PTPRD: variants seen among roughly 807,000 people sequenced by gnomAD.
The protein encoded by PTPRD is receptor-type tyrosine-protein phosphatase delta.
Under a neutral mutation model 214.5 loss-of-function variants are expected in PTPRD, and 34 were observed. The observed-to-expected ratio is 0.16, with a 90% CI of 0.12 to 0.21. The LOEUF is 0.21. PTPRD is among the 10% of genes least tolerant of loss of function. The pLI is 1.00. For missense variants in PTPRD, 2,545 were observed against 2,398.7 expected, an observed-to-expected ratio of 1.06 and a Z score of -1.27; for synonymous variants, 1,128 against 845.7, an observed-to-expected ratio of 1.33 and a Z score of -5.79.
chr9:10,400,422 T>C (rs1465777043), intron 2 of PTPRD, among the ~76,000 whole-genome samples: 2 of 151,778 alleles, frequency 1.3e-5, no homozygotes, highest in African/African-American at 4.8e-5. Flanking sequence ...TTATTTTTCT[T>C]TATAATAATG....
intron 2 of PTPRD, among the ~76,000 whole-genome samples, chr9:10,380,973 T>C (rs1370020648): frequency 1.3e-5 from 2 of 151,936 alleles, no homozygotes; most frequent in Admixed American, 6.6e-5. Flanking sequence ...CCAAAGAGAA[T>C]TGACATATGG....
At chr9:10,362,795 G>A (rs1429372910) in intron 2 of PTPRD, among the ~76,000 whole-genome samples, 1 of 152,096 alleles carries the variant, frequency 6.6e-6, no homozygotes, top group African/African-American at 2.4e-5. Context: ...CAGAAGAATC[G>A]CTTGAACCCG....
chr9:9,977,242 G>T (rs1182947571), intron 4 of PTPRD, among the ~76,000 whole-genome samples: 1 of 152,134 alleles, frequency 6.6e-6, no homozygotes, highest in East Asian at 1.9e-4. Context: ...GAGGTCTAAA[G>T]TAGAACTTAC....
intron 3 of PTPRD, among the ~76,000 whole-genome samples, chr9:10,313,746 T>C (rs895202510): frequency 6.6e-6 from 1 of 151,952 alleles, no homozygotes; most frequent in South Asian, 2.1e-4. Flanking sequence ...AATTTCACTG[T>C]GTGTTGAATT....
intron 11 of PTPRD, among the ~76,000 whole-genome samples, chr9:8,976,242 T>G (rs911876128): frequency 7.2e-5 from 11 of 152,058 alleles, no homozygotes; most frequent in African/African-American, 2.7e-4. Context: ...ATCACTACTG[T>G]TAGTTTTGAA....
chr9:9,408,477 G>C (rs1037182194), intron 8 of PTPRD, among the ~76,000 whole-genome samples: 1 of 151,750 alleles, frequency 6.6e-6, no homozygotes, highest in Non-Finnish European at 1.5e-5. Context: ...TTTGTTCAGA[G>C]CCCTAAAACA....
intron 32 of PTPRD, 52 bp downstream of exon 32, chr9:8,465,414 T>G: frequency 1.3e-6 from 2 of 1,515,946 alleles, no homozygotes; most frequent in South Asian, 1.2e-5. Flanking sequence ...CACATTCCAG[T>G]GAAAATGTAT....
rs1198567570 is a variant in PTPRD, at chr9:9,295,700, G to A, written c.-203+101749C>T. Among the ~76,000 whole-genome samples, 3 of 151,740 alleles carry A rather than the reference G, an allele frequency of 2.0e-5. No homozygotes were observed. The Admixed American group carries it at 2.0e-4, about 10-fold the overall frequency. On this transcript the variant is annotated intron_variant, in intron 9 of 45. Coordinates refer to ENST00000381196, the MANE Select transcript of PTPRD (RefSeq NM_002839.4). Reference sequence around the variant, plus strand: ...GGTAGTATGTGTCATGACATAAAATGTAGAAAAACACTAGGTTTACTTCAA... The same window carrying A: ...GGTAGTATGTGTCATGACATAAAATATAGAAAAACACTAGGTTTACTTCAA...
At chr9:9,974,870 G>C (rs1212770497) in intron 4 of PTPRD, among the ~76,000 whole-genome samples, 1 of 152,150 alleles carries the variant, frequency 6.6e-6, no homozygotes, top group African/African-American at 2.4e-5. Flanking sequence ...AACTTGCTGA[G>C]TTCTTTCATT....
chr9:9,810,732 C>G (rs1238236306), intron 5 of PTPRD, among the ~76,000 whole-genome samples: 3 of 151,972 alleles, frequency 2.0e-5, no homozygotes, highest in Non-Finnish European at 4.4e-5. Flanking sequence ...AACACAATAT[C>G]CATACTGCAA....
intron 7 of PTPRD, among the ~76,000 whole-genome samples, chr9:9,644,211 C>A (rs1376248033): frequency 6.6e-6 from 1 of 152,128 alleles, no homozygotes; most frequent in Admixed American, 6.6e-5. Flanking sequence ...TTATCCAACC[C>A]TCTTGACATT....
chr9:9,701,472 T>C (rs1212865439), intron 7 of PTPRD, among the ~76,000 whole-genome samples: 2 of 152,172 alleles, frequency 1.3e-5, no homozygotes, highest in African/African-American at 2.4e-5. Flanking sequence ...AAAGAGTTAG[T>C]ACTCAAAGGT....
At chr9:10,284,912 G>A (rs10959019) in intron 3 of PTPRD, among the ~76,000 whole-genome samples, 3 of 152,034 alleles carry the variant, frequency 2.0e-5, no homozygotes, top group South Asian at 2.1e-4. Context: ...ATTCTGCATA[G>A]CACATTCACA....
chr9:10,223,703 T>C (rs1364898802), intron 3 of PTPRD, among the ~76,000 whole-genome samples: 1 of 147,442 alleles, frequency 6.8e-6, no homozygotes, highest in Non-Finnish European at 1.5e-5. Flanking sequence ...ATAATAATAA[T>C]AATAATAATA....
rs192537546 is a variant in PTPRD at position 10,280,685 on chromosome 9, G to C, written c.-545+60278C>G. 3.2e-4 allele frequency among the ~76,000 whole-genome samples: 48 copies of C among 152,082 alleles called. No individual in the cohort carries two copies. The East Asian group carries it at 8.5e-3, about 27-fold the overall frequency. On this transcript the variant is annotated intron_variant, in intron 3 of 45. Coordinates refer to ENST00000381196, the MANE Select transcript of PTPRD (RefSeq NM_002839.4). ...GTGGCACAATCAGATCATATAGCTT[G>C]CTGCTGCCCCAACCTCCTAGATTCA... is the stretch of plus-strand genomic sequence containing the variant.
intron 11 of PTPRD, among the ~76,000 whole-genome samples, chr9:9,004,380 C>A (rs2099444776): frequency 1.3e-5 from 2 of 151,944 alleles, no homozygotes; most frequent in Admixed American, 6.6e-5. Flanking sequence ...CATCTCAACA[C>A]AATTATTTTT....
intron 3 of PTPRD, among the ~76,000 whole-genome samples, chr9:10,127,182 C>CAA (rs35399942): frequency 0.083 from 12,598 of 152,044 alleles, 672 homozygotes; most frequent in Admixed American, 0.17. Flanking sequence ...GTTCTTCTAG[C>CAA]AAAGCACTGA....
intron 5 of PTPRD, among the ~76,000 whole-genome samples, chr9:9,777,547 A>G (rs952436835): frequency 6.6e-6 from 1 of 152,016 alleles, no homozygotes; most frequent in Non-Finnish European, 1.5e-5. Context: ...AAAACACAAA[A>G]TTTAGCCAGT....
At chr9:8,682,231 C>G (rs1011647030) in intron 12 of PTPRD, among the ~76,000 whole-genome samples, 2 of 152,130 alleles carry the variant, frequency 1.3e-5, no homozygotes, top group Admixed American at 6.6e-5. Flanking sequence ...CGAGAGAAGT[C>G]TAAATAAGAA....
Sources: gnomAD v4.1 joint callset for allele counts (sites outside exome capture counted in the v4.1 genomes callset) on GRCh38, gnomAD v4.1.1 for gene constraint, MANE v1.5 for transcripts, NCBI Gene and HGNC (gene_info 2026-07-23, HGNC 2026-07-21) for gene names.